The following OSBPL9 variants were observed in gnomAD, a reference collection of about 807,000 sequenced individuals.
OSBPL9 encodes the protein oxysterol binding protein like 9.
OSBPL9 carries 40 observed loss-of-function variants against 106.6 expected under a neutral mutation model. The ratio of observed to expected loss-of-function variants is 0.38; its 90% CI spans 0.29 to 0.49. The LOEUF is 0.49. Among genes scored for constraint, OSBPL9 ranks in the 20% least tolerant of loss-of-function variants. The pLI, the probability that OSBPL9 is intolerant of heterozygous loss-of-function variation, is 0.97. For missense variants in OSBPL9, 609 were observed against 887.2 expected (o/e 0.69, Z 3.98); for synonymous variants, 269 against 295.4 (o/e 0.91, Z 0.92).
chr1:51,671,098 C>G (rs546930578), intron 3 of OSBPL9, among the ~76,000 whole-genome samples: 1 of 152,162 alleles, frequency 6.6e-6, no homozygotes, highest in Non-Finnish European at 1.5e-5. Flanking sequence ...AAGAGTTATG[C>G]ACATTTTAAA....
At chr1:51,695,299 G>A (rs1264319096) in intron 3 of OSBPL9, among the ~76,000 whole-genome samples, 6 of 152,146 alleles carry the variant, frequency 3.9e-5, no homozygotes, top group Non-Finnish European at 7.3e-5. Context: ...ATTTGTGCTC[G>A]TGTGCCAGCA....
the OSBPL9 span, among the ~76,000 whole-genome samples, chr1:51,557,472 C>T: frequency 6.6e-6 from 1 of 152,208 alleles, no homozygotes; most frequent in Non-Finnish European, 1.5e-5. Flanking sequence ...GCCCCTTTGC[C>T]CCCATTGCCC....
intron 8 of OSBPL9, among the ~76,000 whole-genome samples, chr1:51,754,739 T>C (rs1669967456): frequency 6.6e-6 from 1 of 152,250 alleles, no homozygotes; most frequent in Non-Finnish European, 1.5e-5. Context: ...TATTTCAACA[T>C]GTAATCAGTA....
intron 4 of OSBPL9, among the ~76,000 whole-genome samples, chr1:51,741,957 G>A (rs948545874): frequency 6.6e-6 from 1 of 152,088 alleles, no homozygotes; most frequent in African/African-American, 2.4e-5. Context: ...TGAAGGACCT[G>A]GACAAAAGAG....
intron 1 of OSBPL9, among the ~76,000 whole-genome samples, chr1:51,585,546 G>A (rs149903253): frequency 2.6e-5 from 4 of 152,248 alleles, no homozygotes; most frequent in African/African-American, 9.6e-5. Context: ...GGGAGGCCGA[G>A]GAAGGCAGAT....
chr1:51,595,954 C>T (rs565568254), intron 1 of OSBPL9, among the ~76,000 whole-genome samples: 1 of 152,110 alleles, frequency 6.6e-6, no homozygotes, highest in Non-Finnish European at 1.5e-5. Flanking sequence ...CTTCATTCAT[C>T]TATTCAATAT....
intron 4 of OSBPL9, chr1:51,724,835 G>T: frequency 3.8e-6 from 1 of 264,494 alleles, no homozygotes; most frequent in South Asian, 5.7e-5. Flanking sequence ...GGGGTTTATG[G>T]AGACTTCCTT....
chr1:51,553,764 C>T, the OSBPL9 span, among the ~76,000 whole-genome samples: 15 of 152,148 alleles, frequency 9.9e-5, no homozygotes, highest in Admixed American at 2.6e-4. Context: ...CTGCAACCTC[C>T]GCCTCCCGTG....
intron 1 of OSBPL9, among the ~76,000 whole-genome samples, chr1:51,595,215 G>C (rs890489248): frequency 3.3e-5 from 5 of 152,142 alleles, no homozygotes; most frequent in East Asian, 3.9e-4. Flanking sequence ...GGAGCGGCAG[G>C]GGAGGGTCTC....
At chr1:51,777,048 T>G (rs967343062) in intron 15 of OSBPL9, 130 bp downstream of exon 15, 9 of 742,436 alleles carry the variant, frequency 1.2e-5, no homozygotes, top group Non-Finnish European at 2.0e-5. Flanking sequence ...TGGTATTGAA[T>G]AATGTGTTTA....
At chr1:51,638,960 A>G (rs1645613242) in intron 1 of OSBPL9, among the ~76,000 whole-genome samples, 1 of 152,108 alleles carries the variant, frequency 6.6e-6, no homozygotes, top group Non-Finnish European at 1.5e-5. Context: ...AAAAAACTAC[A>G]GGAGTGAGTG....
chr1:51,585,884 G>A (rs1330806605), intron 1 of OSBPL9, among the ~76,000 whole-genome samples: 1 of 150,904 alleles, frequency 6.6e-6, no homozygotes, highest in Non-Finnish European at 1.5e-5. Flanking sequence ...TTAATTAAAA[G>A]GGTAATGGCC....
At chr1:51,615,882 G>C (rs187999290), upstream of OSBPL9, among the ~76,000 whole-genome samples, 82 of 151,126 alleles carry the variant, frequency 5.4e-4, no homozygotes, top group African/African-American at 1.7e-3. Flanking sequence ...TATTTTTCTT[G>C]TTTACTTGTT....
At chr1:51,564,156 T>G in the OSBPL9 span, among the ~76,000 whole-genome samples, 6 of 151,216 alleles carry the variant, frequency 4.0e-5, no homozygotes, top group Non-Finnish European at 7.4e-5. Flanking sequence ...CCTGGCTCCT[T>G]CCCTCTGCCC....
upstream of OSBPL9, among the ~76,000 whole-genome samples, chr1:51,572,712 G>T (rs1306340301): frequency 6.6e-6 from 1 of 152,178 alleles, no homozygotes; most frequent in Non-Finnish European, 1.5e-5. Context: ...GAAAAACTGG[G>T]AAAGTAATAG....
At chr1:51,695,018 C>T (rs1019881937) in intron 3 of OSBPL9, among the ~76,000 whole-genome samples, 1 of 152,148 alleles carries the variant, frequency 6.6e-6, no homozygotes, top group African/African-American at 2.4e-5. Flanking sequence ...TAACAAAGTG[C>T]CCATTAGTTC....
chr1:51,530,430 T>A, the OSBPL9 span, among the ~76,000 whole-genome samples: 1 of 151,810 alleles, frequency 6.6e-6, no homozygotes, highest in Admixed American at 6.6e-5. Flanking sequence ...AACTAGAATA[T>A]ATAAAGAACC....
chr1:51,644,345 G>A (rs1447258255), intron 1 of OSBPL9, among the ~76,000 whole-genome samples: 1 of 152,104 alleles, frequency 6.6e-6, no homozygotes, highest in South Asian at 2.1e-4. Context: ...TTTTGTTTTT[G>A]AGACGGAGTC....
intron 1 of OSBPL9, among the ~76,000 whole-genome samples, chr1:51,636,078 GTA>G (rs953892202): frequency 1.5e-5 from 2 of 135,174 alleles, no homozygotes; most frequent in South Asian, 2.3e-4. Context: ...CTGTATGTAT[GTA>G]TATGTGTGTG....
Sources: allele counts gnomAD v4.1 joint callset (sites outside exome capture counted in the v4.1 genomes callset), GRCh38; gene constraint gnomAD v4.1.1; transcripts MANE v1.5; gene names NCBI Gene and HGNC (gene_info 2026-07-23, HGNC 2026-07-21).